SCAPER: variants seen among roughly 807,000 people sequenced by gnomAD.
The protein encoded by SCAPER is S phase cyclin A-associated protein in the endoplasmic reticulum.
In SCAPER, 98 loss-of-function variants were observed where a neutral mutation model predicts 182.2. The observed-to-expected ratio is 0.54, with a 90% confidence interval of 0.46 to 0.64. The LOEUF (loss-of-function observed/expected upper bound fraction) is 0.64. Among genes scored for constraint, SCAPER ranks in the 30% least tolerant of loss-of-function variants. The pLI is 0.00. For synonymous variants in SCAPER, 605 were observed against 564.6 expected (o/e 1.07, Z -1.01); for missense variants, 1,432 against 1,690.0 (o/e 0.85, Z 2.68).
At chr15:76,554,549 T>C (rs955058285) in intron 23 of SCAPER, among the ~76,000 whole-genome samples, 9 of 152,102 alleles carry the variant, frequency 5.9e-5, no homozygotes, top group South Asian at 2.1e-4. Context: ...TCTCCAAGTA[T>C]AGTATAGTTT....
intron 23 of SCAPER, among the ~76,000 whole-genome samples, chr15:76,516,963 A>C (rs2042474415): frequency 6.6e-6 from 1 of 152,188 alleles, no homozygotes; most frequent in African/African-American, 2.4e-5. Context: ...GGTAGGATTC[A>C]TTAGCCCCAT....
rs11855359 is a variant in SCAPER at position 76,865,833 on chromosome 15, C to T, written c.7-3300G>A. Among the ~76,000 whole-genome samples, 1,237 of 152,220 alleles carry T rather than the reference C, an allele frequency of 8.1e-3. 13 individuals carry two copies. Among genetic ancestry groups the T allele is most frequent in the African/African-American group, 0.028 (1,173 of 41,538 alleles). Reference sequence around the variant, plus strand: ...TACGTCTTTAATGTAAACATCCGTACCCATATTCCTTCATTCCTCTGACCT... The same window carrying T: ...TACGTCTTTAATGTAAACATCCGTATCCATATTCCTTCATTCCTCTGACCT... On this transcript the variant is annotated intron_variant, in intron 2 of 31. Coordinates refer to ENST00000563290, the MANE Select transcript of SCAPER (RefSeq NM_020843.4).
intron 1 of SCAPER, among the ~76,000 whole-genome samples, chr15:76,901,324 C>T (rs937699545): frequency 3.3e-5 from 5 of 152,214 alleles, no homozygotes; most frequent in Non-Finnish European, 5.9e-5. Flanking sequence ...TCTATATATA[C>T]TGCCATGAAT....
At chr15:76,400,834 G>A (rs1158039472) in intron 27 of SCAPER, among the ~76,000 whole-genome samples, 1 of 151,946 alleles carries the variant, frequency 6.6e-6, no homozygotes, top group Non-Finnish European at 1.5e-5. Context: ...ACCATCAAGA[G>A]TAAATCACTG....
chr15:76,355,260 G>A (rs996245047), intron 29 of SCAPER, among the ~76,000 whole-genome samples: 1 of 152,144 alleles, frequency 6.6e-6, no homozygotes, highest in Non-Finnish European at 1.5e-5. Context: ...ACATATTTTC[G>A]TTCAATAGCT....
At chr15:76,564,888 T>C (rs1340350360) in intron 23 of SCAPER, among the ~76,000 whole-genome samples, 1 of 152,080 alleles carries the variant, frequency 6.6e-6, no homozygotes, top group East Asian at 1.9e-4. Flanking sequence ...TATCTGATCT[T>C]CGACAAACCT....
chr15:76,872,308 A>C (rs1325758761), intron 2 of SCAPER, among the ~76,000 whole-genome samples: 2 of 152,178 alleles, frequency 1.3e-5, no homozygotes, highest in African/African-American at 4.8e-5. Context: ...ATGGCTTTAA[A>C]ACTGACAAAA....
At chr15:76,877,612 A>T (rs62029244) in intron 2 of SCAPER, among the ~76,000 whole-genome samples, 2,948 of 152,352 alleles carry the variant, frequency 0.019, 37 homozygotes, top group Middle Eastern at 0.031. Flanking sequence ...CTGAGGACAC[A>T]TCGTCATTCG....
At chr15:76,848,308 T>C (rs1210836279) in intron 4 of SCAPER, among the ~76,000 whole-genome samples, 1 of 131,548 alleles carries the variant, frequency 7.6e-6, no homozygotes, top group African/African-American at 2.9e-5. Flanking sequence ...CCTAAAACAT[T>C]GTGTTTTTTT....
intron 23 of SCAPER, among the ~76,000 whole-genome samples, chr15:76,550,544 A>T (rs536991511): frequency 6.6e-6 from 1 of 152,272 alleles, no homozygotes; most frequent in East Asian, 1.9e-4. Context: ...TTATGGCTGC[A>T]TAGTATTCCA....
chr15:76,903,985 C>G (rs1334453072), intron 1 of SCAPER, among the ~76,000 whole-genome samples: 1 of 152,182 alleles, frequency 6.6e-6, no homozygotes, highest in Non-Finnish European at 1.5e-5. Flanking sequence ...CACAGACAAC[C>G]TTCCAAATCA....
At chr15:76,555,069 C>A (rs1284205675) in intron 23 of SCAPER, among the ~76,000 whole-genome samples, 1 of 152,136 alleles carries the variant, frequency 6.6e-6, no homozygotes, top group Non-Finnish European at 1.5e-5. Flanking sequence ...GTGTGAGCCA[C>A]TGCACCCAGC....
chr15:76,761,211 C>T (rs946612101), intron 14 of SCAPER, among the ~76,000 whole-genome samples: 16 of 152,110 alleles, frequency 1.1e-4, no homozygotes, highest in South Asian at 8.3e-4. Context: ...ACTCTACTTT[C>T]GTTTCTAATT....
At chr15:76,554,363 T>C (rs754027293) in intron 23 of SCAPER, among the ~76,000 whole-genome samples, 6 of 152,148 alleles carry the variant, frequency 3.9e-5, no homozygotes, top group Admixed American at 1.3e-4. Context: ...CTCACTGACA[T>C]CCTTGAAAGA....
At chr15:76,536,376 C>G (rs1315843769) in intron 23 of SCAPER, among the ~76,000 whole-genome samples, 15 of 152,118 alleles carry the variant, frequency 9.9e-5, no homozygotes, top group African/African-American at 3.4e-4. Context: ...AAAAAAACCA[C>G]TTTTGAATCT....
chr15:76,654,394 C>A (rs537659957), intron 21 of SCAPER, among the ~76,000 whole-genome samples: 32 of 152,138 alleles, frequency 2.1e-4, no homozygotes, highest in Middle Eastern at 6.8e-3. Context: ...GGTGACAGAG[C>A]GAGACTCCGT....
intron 5 of SCAPER, among the ~76,000 whole-genome samples, chr15:76,814,182 AT>A (rs1938503867): frequency 1.3e-5 from 2 of 152,210 alleles, no homozygotes; most frequent in African/African-American, 4.8e-5. Context: ...AAAAAAATTC[AT>A]ACTATCCAAA....
chr15:76,763,637 GCTTC>G (rs1295199838), intron 14 of SCAPER, among the ~76,000 whole-genome samples: 2 of 151,914 alleles, frequency 1.3e-5, no homozygotes, highest in East Asian at 1.9e-4. Flanking sequence ...AATCCCAGAG[GCTTC>G]CTTCATTTTT....
chr15:76,428,022 C>T (rs887035391), intron 26 of SCAPER, among the ~76,000 whole-genome samples: 1 of 151,992 alleles, frequency 6.6e-6, no homozygotes, highest in Non-Finnish European at 1.5e-5. Context: ...ATTGCTTGAC[C>T]CTGGGGGGTT....
Sources: gnomAD v4.1 joint callset for allele counts (sites outside exome capture counted in the v4.1 genomes callset) on GRCh38, gnomAD v4.1.1 for gene constraint, MANE v1.5 for transcripts, NCBI Gene and HGNC (gene_info 2026-07-23, HGNC 2026-07-21) for gene names.